The following DENND5A variants were observed in gnomAD, a reference collection of about 807,000 sequenced individuals.
The protein encoded by DENND5A is DENN domain containing 5A, also known as DENN domain-containing protein 5A.
In DENND5A, 64 loss-of-function variants were observed where a neutral mutation model predicts 140.3. That is an observed-to-expected ratio of 0.46 (90% CI 0.37 to 0.56). The LOEUF (loss-of-function observed/expected upper bound fraction) is 0.56, where lower values mean the gene tolerates loss of function less well. Among genes scored for constraint, DENND5A ranks in the 20% least tolerant of loss-of-function variants. The pLI, the probability that DENND5A is intolerant of heterozygous loss-of-function variation, is 0.00. For synonymous variants in DENND5A, 605 were observed against 607.7 expected (o/e 1.00, Z 0.07); for missense variants, 1,292 against 1,593.8 (o/e 0.81, Z 3.22).
intron 1 of DENND5A, among the ~76,000 whole-genome samples, chr11:9,243,106 A>AC (rs1226085479): frequency 2.2e-5 from 3 of 133,930 alleles, no homozygotes; most frequent in African/African-American, 1.0e-4. Context: ...AAAAAAAAAC[A>AC]AAAAAAAAAA....
At position 9,170,835 on chromosome 11, in the gene DENND5A, TAAATC is replaced by T. The variant is rs1441460591; in HGVS notation, c.1907-63_1907-59del. On this transcript the variant is annotated intron_variant, in intron 8 of 22. Coordinates refer to ENST00000328194, the MANE Select transcript of DENND5A (RefSeq NM_015213.4). ...ACACACACATAAATACACACACAAA[TAAATC>T]AAGTCAAACATTCTTTAAGAATCTA... The T allele has an allele frequency of 3.0e-5, 47 of 1,586,288 alleles. No individual in the cohort carries two copies. In the East Asian group the frequency reaches 1.0e-3, roughly 34 times the overall value.
rs553131522 is a variant in DENND5A at position 9,261,231 on chromosome 11, G to C, written c.109+3730C>G. On this transcript the variant is annotated intron_variant, in intron 1 of 22. Transcript: ENST00000328194. ...ACAAGAAGGAACACCGAGCATCTTT[G>C]ATTTGCTTATTCTGGGTTCACTTTT... 2.0e-5 allele frequency among the ~76,000 whole-genome samples: 3 copies of C among 152,256 alleles called. No individual in the cohort carries two copies. In the East Asian group the frequency reaches 5.8e-4, roughly 29 times the overall value.
chr11:9,204,006 G>C lies in DENND5A; in HGVS notation c.603C>G (p.Leu201=), dbSNP rs144366770. Residue 201 remains leucine (L), a synonymous_variant, in exon 4 of 23, where the codon CTC becomes CTG. Coordinates refer to ENST00000328194, the MANE Select transcript of DENND5A (RefSeq NM_015213.4). ...FNSYDISRDT[L]YVSKCICLIT... ...TGAGGCAGATGCACTTAGAGACGTAGAGAGTGTCCCGGCTAATGTCATAGG... is the reference window on the plus strand; with the variant it reads ...TGAGGCAGATGCACTTAGAGACGTACAGAGTGTCCCGGCTAATGTCATAGG... 4.3e-5 allele frequency: 70 copies of C among 1,614,030 alleles called. 1 individual carries two copies. The South Asian group carries it at 7.7e-4, about 18-fold the overall frequency.
intron 22 of DENND5A, among the ~76,000 whole-genome samples, chr11:9,140,619 G>A (rs1344335499): frequency 2.0e-5 from 3 of 152,030 alleles, no homozygotes; most frequent in African/African-American, 7.2e-5. Flanking sequence ...CCCAGCTCAG[G>A]GGCCCTACCC....
chr11:9,144,943 C>A, intron 18 of DENND5A, 52 bp downstream of exon 18: 3 of 1,295,348 alleles, frequency 2.3e-6, no homozygotes. Context: ...CATCGAAGAG[C>A]TCCTGTAGAT....
At chr11:9,228,265 C>A (rs931494647) in intron 1 of DENND5A, among the ~76,000 whole-genome samples, 2 of 152,088 alleles carry the variant, frequency 1.3e-5, no homozygotes, top group Admixed American at 1.3e-4. Context: ...GGCTTAATAC[C>A]TACTAAATAG....
At chr11:9,165,411 G>C (rs1295331983) in intron 11 of DENND5A, among the ~76,000 whole-genome samples, 1 of 151,912 alleles carries the variant, frequency 6.6e-6, no homozygotes, top group Admixed American at 6.6e-5. Flanking sequence ...CAAATTAACA[G>C]GATCTTAAAA....
chr11:9,179,105 A>G lies in DENND5A; in HGVS notation c.1456-32T>C, dbSNP rs373281744. ...AAAAAGAAAAAGCAGTTGAGAACAC[A>G]TACACTTTTTCCTTTTAACCCAAGG... On this transcript the variant is annotated intron_variant, in intron 6 of 22. Coordinates refer to ENST00000328194, the MANE Select transcript of DENND5A (RefSeq NM_015213.4). The G allele has an allele frequency of 4.3e-5, 69 of 1,587,662 alleles. No homozygotes were observed. In the African/African-American group the frequency reaches 8.1e-4, roughly 19 times the overall value.
Position 9,152,397 on chromosome 11 carries a change from G to C in DENND5A, c.2482C>G (p.Arg828Gly), listed in dbSNP as rs549657250. ...WSHLLHYQDN[R>G]QRKLTSGSLS... ...CTTCCTGATGTGAGTTTTCTCTGCCGGTTGTCCTGATAATGTAACAGGTGG... is the reference window on the plus strand; with the variant it reads ...CTTCCTGATGTGAGTTTTCTCTGCCCGTTGTCCTGATAATGTAACAGGTGG... Residue 828 changes from arginine (R) to glycine (G), a missense_variant, in exon 13 of 23, where the codon CGG becomes GGG. Physicochemically the swap from Arg to Gly is moderately radical, Grantham distance 125. Transcript: ENST00000328194. The C allele has an allele frequency of 1.5e-5, 24 of 1,613,894 alleles. No homozygotes were observed. The South Asian group carries it at 2.5e-4, about 17-fold the overall frequency.
rs1285019943 is a variant in DENND5A, at chr11:9,139,829, C to G, written c.3706G>C (p.Ala1236Pro). 1 of 1,613,946 alleles carries G rather than the reference C, an allele frequency of 6.2e-7. No homozygotes were observed. The highest frequency in any genetic ancestry group is 8.5e-7 in the Non-Finnish European group (1 of 1,180,020). The change falls in exon 23 of 23, where the codon GCC becomes CCC. Residue 1236 changes from alanine to proline, a missense_variant. Ala to Pro is a conservative substitution (Grantham distance 27, BLOSUM62 -1). Around this residue, in one of 4 missense-constraint regions of DENND5A, gnomAD observed 498 missense variants for 689.7 expected, o/e 0.72. Transcript: ENST00000328194. ...GTGATGGGGCAGTCAGCCAGCAGGG[C>G]AATCCAGTGGTGTAGGAGGTGATCT... is the stretch of plus-strand genomic sequence containing the variant. ...ARDHLLHHWI[A>P]LLADCPITAH...
In DENND5A at chr11:9,144,173, T is replaced by C; in HGVS notation, c.3228A>G (p.Pro1076=). The C allele has an allele frequency of 6.2e-7, 1 of 1,614,132 alleles. No homozygotes were observed. Among genetic ancestry groups the C allele is most frequent in the Non-Finnish European group, 8.5e-7 (1 of 1,180,016 alleles). The part of the protein sequence containing the change: ...LTSQPEVDER[P]CRTPPLQQSP... ...ACTGCTGCAGCGGCGGGGTCCGGCA[T>C]GGCCTCTCATCCACCTCAGGCTGGG... The change falls in exon 19 of 23, where the codon CCA becomes CCG. Residue 1076 remains proline, a synonymous_variant. Transcript: ENST00000328194.
chr11:9,247,245 A>C (rs1336339639), intron 1 of DENND5A, among the ~76,000 whole-genome samples: 1 of 151,662 alleles, frequency 6.6e-6, no homozygotes, highest in African/African-American at 2.4e-5. Context: ...AAAAAAAAAA[A>C]AACCCTTGCC....
At chr11:9,233,210 C>A (rs1261962385) in intron 1 of DENND5A, among the ~76,000 whole-genome samples, 2 of 151,958 alleles carry the variant, frequency 1.3e-5, no homozygotes, top group African/African-American at 4.8e-5. Flanking sequence ...ACCAGCCTGG[C>A]CAGCATCGTG....
intron 1 of DENND5A, among the ~76,000 whole-genome samples, chr11:9,230,740 C>G (rs1251353089): frequency 6.6e-6 from 1 of 152,064 alleles, no homozygotes; most frequent in African/African-American, 2.4e-5. Context: ...CATCTGTAAT[C>G]CCAGAATTTT....
chr11:9,212,127 A>C (rs1391630800), intron 1 of DENND5A, among the ~76,000 whole-genome samples: 1 of 151,864 alleles, frequency 6.6e-6, no homozygotes, highest in Non-Finnish European at 1.5e-5. Flanking sequence ...GCTCACACTT[A>C]TAACCTCAGC....
chr11:9,254,836 G>T (rs1379413980), intron 1 of DENND5A, among the ~76,000 whole-genome samples: 1 of 152,114 alleles, frequency 6.6e-6, no homozygotes, highest in African/African-American at 2.4e-5. Flanking sequence ...CCTTTAAGAG[G>T]CCAAGGAGGG....
At chr11:9,218,893 C>G (rs1458796282) in intron 1 of DENND5A, among the ~76,000 whole-genome samples, 1 of 152,012 alleles carries the variant, frequency 6.6e-6, no homozygotes, top group Non-Finnish European at 1.5e-5. Flanking sequence ...GTAATCCCAG[C>G]TACTTGGGAG....
chr11:9,227,653 G>T (rs946394376), intron 1 of DENND5A, among the ~76,000 whole-genome samples: 2 of 152,026 alleles, frequency 1.3e-5, no homozygotes, highest in Admixed American at 6.6e-5. Context: ...CTTGTCCAAG[G>T]TCTCTGTGAA....
chr11:9,145,573 A>T, intron 17 of DENND5A, 97 bp downstream of exon 17: 3 of 1,302,170 alleles, frequency 2.3e-6, no homozygotes, highest in South Asian at 1.3e-5. Context: ...ATTACACTGT[A>T]CATAGCAAGC....
Sources: gnomAD v4.1 joint callset for allele counts (sites outside exome capture counted in the v4.1 genomes callset) on GRCh38, gnomAD v4.1.1 for gene constraint, gnomAD v4.1.1 regional missense constraint, MANE v1.5 for transcripts, NCBI Gene and HGNC (gene_info 2026-07-23, HGNC 2026-07-21) for gene names.